The following EBF1 variants were observed in gnomAD, a reference collection of about 807,000 sequenced individuals.
EBF1 encodes transcription factor COE1.
EBF1 carries 10 observed loss-of-function variants against 68.4 expected under a neutral mutation model. The observed-to-expected ratio is 0.15, with a 90% CI of 0.09 to 0.25. EBF1 has a LOEUF of 0.25. Ranked by LOEUF, EBF1 falls within the 10% of genes least tolerant of loss-of-function variation. The probability of loss-of-function intolerance (pLI) is 1.00; values close to 1 mark genes in which losing one functional copy is unlikely to be tolerated. For synonymous variants in EBF1, 298 were observed against 299.8 expected, an observed-to-expected ratio of 0.99 and a Z score of 0.06; for missense variants, 509 against 794.4, an observed-to-expected ratio of 0.64 and a Z score of 4.32.
intron 8 of EBF1, among the ~76,000 whole-genome samples, chr5:158,806,939 C>A (rs565491017): frequency 6.6e-6 from 1 of 152,122 alleles, no homozygotes; most frequent in Non-Finnish European, 1.5e-5. Flanking sequence ...ACTAGCTACA[C>A]GCAGCTATTT....
chr5:158,824,728 G>A (rs1019014130), intron 7 of EBF1, among the ~76,000 whole-genome samples: 1 of 152,244 alleles, frequency 6.6e-6, no homozygotes, highest in African/African-American at 2.4e-5. Context: ...GCTGGGCAGA[G>A]GGGAAAACGC....
intron 6 of EBF1, among the ~76,000 whole-genome samples, chr5:158,847,107 T>G (rs1250622019): frequency 3.9e-5 from 6 of 152,158 alleles, no homozygotes; most frequent in Non-Finnish European, 7.3e-5. Flanking sequence ...CCTTTAGATC[T>G]TGGGCATTTC....
At chr5:158,755,293 G>C (rs1769822839) in intron 10 of EBF1, among the ~76,000 whole-genome samples, 1 of 151,956 alleles carries the variant, frequency 6.6e-6, no homozygotes, top group Non-Finnish European at 1.5e-5. Context: ...GAGCCCCCTG[G>C]CCATATCCCC....
At chr5:158,917,186 T>A (rs1807385570) in intron 6 of EBF1, among the ~76,000 whole-genome samples, 1 of 152,180 alleles carries the variant, frequency 6.6e-6, no homozygotes, top group South Asian at 2.1e-4. Flanking sequence ...AGCTGCCTAT[T>A]ATACCTAAAT....
chr5:159,035,799 C>T lies in EBF1; in HGVS notation c.554+37597G>A, dbSNP rs137982333. Among the ~76,000 whole-genome samples the T allele has an allele frequency of 1.7e-3, 266 of 152,260 alleles. 2 individuals are homozygous for T. Among genetic ancestry groups the T allele is most frequent in the African/African-American group, 5.8e-3 (239 of 41,558 alleles). ...AAGAATGTGAGGAAACAGAATTTGCCTTCCAAATTATTGCCCTTCCCAGGG... is the reference window on the plus strand; with the variant it reads ...AAGAATGTGAGGAAACAGAATTTGCTTTCCAAATTATTGCCCTTCCCAGGG... On this transcript the variant is annotated intron_variant, in intron 6 of 15. Coordinates refer to ENST00000313708, the MANE Select transcript of EBF1 (RefSeq NM_024007.5).
intron 1 of EBF1, among the ~76,000 whole-genome samples, chr5:159,098,949 GAA>G (rs1783150901): frequency 6.6e-6 from 1 of 151,822 alleles, no homozygotes; most frequent in Non-Finnish European, 1.5e-5. Context: ...AAAGAAAAAA[GAA>G]AAGAGGGAAA....
intron 10 of EBF1, among the ~76,000 whole-genome samples, chr5:158,760,956 T>C (rs919623078): frequency 3.3e-5 from 5 of 152,230 alleles, no homozygotes; most frequent in African/African-American, 1.2e-4. Context: ...TTTGTTTTAC[T>C]CTTTTAGACA....
intron 6 of EBF1, among the ~76,000 whole-genome samples, chr5:158,969,904 GAAAGAAAGAAAGAAAAAA>G (rs1755186030): frequency 9.5e-6 from 1 of 105,632 alleles, no homozygotes; most frequent in Non-Finnish European, 2.0e-5. Flanking sequence ...AAGAAAGAAA[GAAAGAAAGAAAGAAAAAA>G]AAAAAAAAGG....
At chr5:158,718,232 G>A (rs973783644) in intron 11 of EBF1, among the ~76,000 whole-genome samples, 6 of 152,022 alleles carry the variant, frequency 3.9e-5, no homozygotes, top group Admixed American at 2.6e-4. Flanking sequence ...TCCCAGCATC[G>A]ACCTACAAAG....
At chr5:158,839,062 G>A (rs1789555708) in intron 7 of EBF1, among the ~76,000 whole-genome samples, 1 of 152,182 alleles carries the variant, frequency 6.6e-6, no homozygotes, top group African/African-American at 2.4e-5. Flanking sequence ...TTTTAAGTCA[G>A]AGAAGCACCA....
intron 5 of EBF1, 135 bp from the exon 6 acceptor site, chr5:159,073,599 C>T (rs1778217651): frequency 1.1e-6 from 1 of 880,882 alleles, no homozygotes; most frequent in Non-Finnish European, 1.8e-6. Flanking sequence ...TCAACGGATC[C>T]CTGGGACAGA....
intron 6 of EBF1, among the ~76,000 whole-genome samples, chr5:158,855,477 G>A (rs796579999): frequency 5.9e-5 from 9 of 152,284 alleles, no homozygotes; most frequent in African/African-American, 2.2e-4. Flanking sequence ...AGCCATGGGG[G>A]CTACTTTTCA....
chr5:158,698,881 C>G lies in EBF1; in HGVS notation c.*230G>C. The stretch of plus-strand genomic sequence containing the variant: ...TTTTGTCAATACAGAATAAATATAT[C>G]CCCCAAATACTTGGGAGGTACAACT... On this transcript the variant is annotated 3_prime_UTR_variant, in exon 16 of 16. Coordinates refer to ENST00000313708, the MANE Select transcript of EBF1 (RefSeq NM_024007.5). 2.4e-6 allele frequency: 1 copy of G among 412,718 alleles called. No homozygotes were observed. Among genetic ancestry groups the G allele is most frequent in the Non-Finnish European group, 4.3e-6 (1 of 232,286 alleles). The allele number at this position is 412,718 out of a possible 1,614,324, so 25.6% of individuals were successfully genotyped here.
intron 6 of EBF1, among the ~76,000 whole-genome samples, chr5:159,003,426 A>T (rs578237144): frequency 6.6e-6 from 1 of 151,980 alleles, no homozygotes; most frequent in African/African-American, 2.4e-5. Flanking sequence ...AGTATTTTGA[A>T]TACCACTAGA....
intron 6 of EBF1, among the ~76,000 whole-genome samples, chr5:158,846,421 G>A (rs993146377): frequency 3.3e-5 from 5 of 152,142 alleles, no homozygotes; most frequent in Non-Finnish European, 5.9e-5. Flanking sequence ...AGAGTCTAAG[G>A]ATTATCTCCC....
chr5:158,852,716 A>G (rs1793200185), intron 6 of EBF1, among the ~76,000 whole-genome samples: 1 of 152,222 alleles, frequency 6.6e-6, no homozygotes, highest in African/African-American at 2.4e-5. Flanking sequence ...AGAGTCTGAC[A>G]CTTTATTAAG....
intron 8 of EBF1, among the ~76,000 whole-genome samples, chr5:158,809,227 T>C (rs1381775717): frequency 1.3e-5 from 2 of 152,176 alleles, no homozygotes; most frequent in Non-Finnish European, 2.9e-5. Context: ...AATTATTCTT[T>C]ATATCAACCT....
intron 4 of EBF1, among the ~76,000 whole-genome samples, chr5:159,087,125 C>T (rs1323609380): frequency 6.6e-6 from 1 of 151,702 alleles, no homozygotes; most frequent in Non-Finnish European, 1.5e-5. Flanking sequence ...TCGTAATAAT[C>T]TCTGTTTCAG....
At chr5:158,938,654 C>G (rs1812592741) in intron 6 of EBF1, among the ~76,000 whole-genome samples, 1 of 152,208 alleles carries the variant, frequency 6.6e-6, no homozygotes. Flanking sequence ...TTGCTGCAAC[C>G]TCACATGGCA....
Sources: gnomAD v4.1 joint callset for allele counts (sites outside exome capture counted in the v4.1 genomes callset) on GRCh38, gnomAD v4.1.1 for gene constraint, MANE v1.5 for transcripts, NCBI Gene and HGNC (gene_info 2026-07-23, HGNC 2026-07-21) for gene names.